USP10: variants seen among roughly 807,000 people sequenced by gnomAD.
USP10 encodes ubiquitin specific peptidase 10, also known as ubiquitin carboxyl-terminal hydrolase 10.
A neutral mutation model predicts 84.5 loss-of-function variants in USP10; 22 were observed. That is an observed-to-expected ratio of 0.26 (90% CI 0.19 to 0.37). USP10 has a LOEUF of 0.37. Among genes scored for constraint, USP10 ranks in the 10% least tolerant of loss-of-function variants. The pLI is 1.00. For synonymous variants in USP10, 454 were observed against 387.6 expected (o/e 1.17, Z -2.01); for missense variants, 1,019 against 998.9 (o/e 1.02, Z -0.27).
intron 10 of USP10, among the ~76,000 whole-genome samples, chr16:84,766,677 T>TA (rs1913900257): frequency 1.3e-5 from 2 of 152,112 alleles, no homozygotes; most frequent in African/African-American, 4.8e-5. Flanking sequence ...CAGTGGAAAA[T>TA]ACCAGCGTCC....
chr16:84,704,711 G>C, intron 1 of USP10: 1 of 1,490,504 alleles, frequency 6.7e-7, no homozygotes. Flanking sequence ...GATTTTTTCT[G>C]AACTGGCTAT....
In USP10 at chr16:84,764,931, G is replaced by GAGAGAGAGAGAGAAA. The variant is rs11373757; in HGVS notation, c.1832+669_1832+670insGAGAGAGAGAGAAAA. On this transcript the variant is annotated intron_variant, in intron 10 of 13. Transcript: ENST00000219473. ...ATAAACAATAACCACGAGAGAGAGA[G>GAGAGAGAGAGAGAAA]AAAAAAAAATATATATATATATATT... Among the ~76,000 whole-genome samples, 22 of 39,264 alleles carry GAGAGAGAGAGAGAAA rather than the reference G, an allele frequency of 5.6e-4. 1 individual carries two copies. The highest frequency in any genetic ancestry group is 1.9e-3 in the African/African-American group (22 of 11,476). 25.8% of individuals were successfully genotyped at this position (39,264 alleles called of 152,430 possible).
chr16:84,710,746 G>C lies in USP10; in HGVS notation c.21+10635G>C, dbSNP rs142045338. Among the ~76,000 whole-genome samples, 82 of 152,244 alleles carry C rather than the reference G, an allele frequency of 5.4e-4. No individual in the cohort carries two copies. The East Asian group carries it at 6.2e-3, about 11-fold the overall frequency. ...GTTTTTAGGTTTGTGATCCTCGAGT[G>C]CCCTCTTCTAATACCAGAATCACCT... On this transcript the variant is annotated intron_variant, in intron 1 of 13. Coordinates refer to ENST00000219473, the MANE Select transcript of USP10 (RefSeq NM_005153.3).
At chr16:84,759,292 G>C in intron 5 of USP10, 71 bp from the exon 6 acceptor site, 2 of 1,390,094 alleles carry the variant, frequency 1.4e-6, no homozygotes, top group Non-Finnish European at 2.0e-6. Context: ...ACATTCTTGT[G>C]CTTCATGTGC....
intron 1 of USP10, among the ~76,000 whole-genome samples, chr16:84,706,500 GTATTTA>G (rs1905529671): frequency 6.8e-6 from 1 of 147,356 alleles, no homozygotes; most frequent in Admixed American, 6.8e-5. Context: ...ATTTGTATAT[GTATTTA>G]TATTTATTTA....
chr16:84,740,432 C>G (rs1166434470), intron 3 of USP10, 63 bp downstream of exon 3: 3 of 1,338,666 alleles, frequency 2.2e-6, no homozygotes, highest in Non-Finnish European at 2.1e-6. Flanking sequence ...GGTGGGCAGG[C>G]TACCTGTAAA....
chr16:84,720,143 C>T (rs892117017), intron 1 of USP10, among the ~76,000 whole-genome samples: 3 of 152,294 alleles, frequency 2.0e-5, no homozygotes, highest in Non-Finnish European at 2.9e-5. Context: ...TTTGAAGAGT[C>T]TGCTGACAGT....
In USP10 at chr16:84,757,443, G is replaced by T. The variant is rs55773851; in HGVS notation, c.1193-1273G>T. ...TGTGTGTGTGTGTGTGTGTGTGTGTGTGTTTTGAATTTTGTAAATTAATTT... is the reference window on the plus strand; with the variant it reads ...TGTGTGTGTGTGTGTGTGTGTGTGTTTGTTTTGAATTTTGTAAATTAATTT... On this transcript the variant is annotated intron_variant, in intron 4 of 13. Transcript: ENST00000219473. Among the ~76,000 whole-genome samples, 317 of 145,862 alleles carry T rather than the reference G, an allele frequency of 2.2e-3. 1 individual carries two copies. The highest frequency in any genetic ancestry group is 7.6e-3 in the African/African-American group (301 of 39,758).
chr16:84,704,836 G>A, intron 1 of USP10: 1 of 1,535,730 alleles, frequency 6.5e-7, no homozygotes, highest in African/African-American at 1.4e-5. Context: ...TCATGCCCTG[G>A]TTGCCCTCTC....
At chr16:84,737,958 A>G (rs1020080352) in intron 2 of USP10, among the ~76,000 whole-genome samples, 4 of 152,014 alleles carry the variant, frequency 2.6e-5, no homozygotes, top group African/African-American at 7.3e-5. Context: ...TCATCTGTGT[A>G]TTTTTCCCGA....
chr16:84,744,788 G>T lies in USP10; in HGVS notation c.307G>T (p.Gly103Cys), dbSNP rs371730778. 6.2e-7 allele frequency: 1 copy of T among 1,613,536 alleles called. No individual in the cohort carries two copies. The highest frequency in any genetic ancestry group is 1.3e-5 in the African/African-American group (1 of 74,876). ...GCTASKITPDGITKEASYGSI... is the reference protein window; with the variant it reads ...GCTASKITPDCITKEASYGSI... ...TACAGCTTCCAAAATAACCCCTGATGGTATCACTAAAGAAGCAAGCTATGG... is the reference window on the plus strand; with the variant it reads ...TACAGCTTCCAAAATAACCCCTGATTGTATCACTAAAGAAGCAAGCTATGG... The change falls in exon 4 of 14, where the codon GGT becomes TGT. Residue 103 changes from glycine (G) to cysteine (C), a missense_variant. Coordinates refer to ENST00000219473, the MANE Select transcript of USP10 (RefSeq NM_005153.3).
At chr16:84,725,944 C>A (rs1214705752) in intron 1 of USP10, among the ~76,000 whole-genome samples, 1 of 152,222 alleles carries the variant, frequency 6.6e-6, no homozygotes, top group African/African-American at 2.4e-5. Context: ...GTGTATTTGA[C>A]TGTGACCTGG....
intron 1 of USP10, among the ~76,000 whole-genome samples, chr16:84,711,686 A>G (rs947560732): frequency 2.0e-5 from 3 of 147,820 alleles, no homozygotes; most frequent in Non-Finnish European, 4.5e-5. Context: ...TCTTCCACCT[A>G]TAACTAGAGT....
intron 3 of USP10, 124 bp from the exon 4 acceptor site, chr16:84,744,509 C>A (rs1348999238): frequency 2.4e-6 from 2 of 837,506 alleles, no homozygotes; most frequent in African/African-American, 1.7e-5. Flanking sequence ...AAGTAAAGGA[C>A]GTAATAGATT....
At chr16:84,750,525 C>A (rs1911806069) in intron 4 of USP10, among the ~76,000 whole-genome samples, 1 of 152,120 alleles carries the variant, frequency 6.6e-6, no homozygotes, top group South Asian at 2.1e-4. Context: ...TGCTGCTTCC[C>A]TCATTAGCAC....
intron 1 of USP10, chr16:84,709,245 C>G (rs892908915): frequency 3.9e-5 from 6 of 152,184 alleles, no homozygotes; most frequent in Non-Finnish European, 8.8e-5. Context: ...AGGAAGGGAA[C>G]ACAATCTGAA....
At chr16:84,726,718 A>G (rs1199709273) in intron 1 of USP10, among the ~76,000 whole-genome samples, 2 of 152,216 alleles carry the variant, frequency 1.3e-5, no homozygotes, top group African/African-American at 2.4e-5. Context: ...ATGGGATATG[A>G]GGGGAAGTGG....
chr16:84,748,563 C>CA (rs1911528219), intron 4 of USP10, among the ~76,000 whole-genome samples: 1 of 152,144 alleles, frequency 6.6e-6, no homozygotes, highest in African/African-American at 2.4e-5. Flanking sequence ...CTCAGCCTCT[C>CA]AAAGTGCTGA....
At chr16:84,735,959 G>T (rs1275230987) in intron 2 of USP10, among the ~76,000 whole-genome samples, 1 of 129,462 alleles carries the variant, frequency 7.7e-6, no homozygotes, top group Non-Finnish European at 1.6e-5. Context: ...GCGGCATGTG[G>T]TTGGGCCTGT....
Sources: allele counts gnomAD v4.1 joint callset (sites outside exome capture counted in the v4.1 genomes callset), GRCh38; gene constraint gnomAD v4.1.1; transcripts MANE v1.5; gene names NCBI Gene and HGNC (gene_info 2026-07-23, HGNC 2026-07-21).